The following EPB41L4A variants were observed in gnomAD, a reference collection of about 807,000 sequenced individuals.
EPB41L4A encodes band 4.1-like protein 4A.
In EPB41L4A, 100 loss-of-function variants were observed where a neutral mutation model predicts 108.6. The observed-to-expected ratio is 0.92, with a 90% CI of 0.78 to 1.09. EPB41L4A has a LOEUF of 1.09. Among genes scored for constraint, EPB41L4A ranks in the 50% least tolerant of loss-of-function variants. The pLI is 0.00. For synonymous variants in EPB41L4A, 319 were observed against 289.0 expected, an observed-to-expected ratio of 1.10 and a Z score of -1.05; for missense variants, 1,030 against 842.7, an observed-to-expected ratio of 1.22 and a Z score of -2.75.
chr5:112,169,248 G>A (rs1760436396), intron 20 of EPB41L4A, 143 bp from the exon 21 acceptor site: 1 of 642,436 alleles, frequency 1.6e-6, no homozygotes. Flanking sequence ...GAAAGCCTGA[G>A]TGACTTAAAT....
At chr5:112,302,368 T>C (rs910837645) in intron 2 of EPB41L4A, among the ~76,000 whole-genome samples, 5 of 152,128 alleles carry the variant, frequency 3.3e-5, no homozygotes, top group Non-Finnish European at 7.4e-5. Context: ...TGAAAATCAC[T>C]GATCTCAGAA....
intron 1 of EPB41L4A, among the ~76,000 whole-genome samples, chr5:112,308,472 T>C (rs1450765224): frequency 1.3e-5 from 2 of 152,220 alleles, no homozygotes; most frequent in East Asian, 3.8e-4. Context: ...TATGAGGTTA[T>C]AAAAGTACAC....
intron 1 of EPB41L4A, among the ~76,000 whole-genome samples, chr5:112,340,432 C>T (rs1015949749): frequency 1.3e-5 from 2 of 152,182 alleles, no homozygotes; most frequent in Admixed American, 1.3e-4. Context: ...ATTTTGGGAA[C>T]CACTGCTGTA....
intron 11 of EPB41L4A, among the ~76,000 whole-genome samples, chr5:112,239,281 T>A (rs867506612): frequency 6.6e-6 from 1 of 152,234 alleles, no homozygotes; most frequent in East Asian, 1.9e-4. Context: ...ATAAAAAGTA[T>A]AGATTGTATT....
chr5:112,390,436 G>GAGAT (rs1337041736), intron 1 of EPB41L4A, among the ~76,000 whole-genome samples: 8 of 152,170 alleles, frequency 5.3e-5, no homozygotes, highest in African/African-American at 1.9e-4. Context: ...ACGGAGCCTT[G>GAGAT]CTCACTGCCA....
intron 18 of EPB41L4A, among the ~76,000 whole-genome samples, chr5:112,178,895 T>G (rs1444936331): frequency 1.3e-5 from 2 of 150,414 alleles, no homozygotes; most frequent in East Asian, 3.9e-4. Context: ...GAATAAAAAG[T>G]ACAGTCAATG....
intron 12 of EPB41L4A, among the ~76,000 whole-genome samples, chr5:112,221,483 T>A (rs1219616666): frequency 6.6e-6 from 1 of 152,234 alleles, no homozygotes; most frequent in African/African-American, 2.4e-5. Flanking sequence ...GCCACAGTTT[T>A]CTCCTGTGTA....
At chr5:112,283,967 G>C (rs569858888) in intron 2 of EPB41L4A, among the ~76,000 whole-genome samples, 26 of 152,310 alleles carry the variant, frequency 1.7e-4, no homozygotes, top group Admixed American at 1.4e-3. Flanking sequence ...ATAAATGGGA[G>C]ATAACAGAGC....
intron 1 of EPB41L4A, among the ~76,000 whole-genome samples, chr5:112,371,317 T>TA (rs1759482162): frequency 6.6e-6 from 1 of 152,202 alleles, no homozygotes; most frequent in Non-Finnish European, 1.5e-5. Context: ...CTATTAGAAA[T>TA]AATTTTCATT....
chr5:112,410,906 G>C (rs1435892639), intron 1 of EPB41L4A, among the ~76,000 whole-genome samples: 1 of 152,182 alleles, frequency 6.6e-6, no homozygotes, highest in East Asian at 1.9e-4. Flanking sequence ...GCTACCACCT[G>C]AGGATGGCAC....
rs147458421 is a variant in EPB41L4A at position 112,270,453 on chromosome 5, TCATAA to T, written c.336-4128_336-4124del. Among the ~76,000 whole-genome samples, 894 of 152,260 alleles carry T rather than the reference TCATAA, an allele frequency of 5.9e-3. 3 individuals carry two copies. Among genetic ancestry groups the T allele is most frequent in the Middle Eastern group, 0.01 (3 of 294 alleles). Reference sequence around the variant, plus strand: ...TGAGAGTCAAAGGGAAACATTTAAATCATAACATGATATTAAATAATGCAGAAAAA... The same window carrying T: ...TGAGAGTCAAAGGGAAACATTTAAATCATGATATTAAATAATGCAGAAAAA... On this transcript the variant is annotated intron_variant, in intron 4 of 22. Transcript: ENST00000261486.
chr5:112,254,425 G>A (rs184427131), intron 9 of EPB41L4A, among the ~76,000 whole-genome samples: 18 of 152,214 alleles, frequency 1.2e-4, no homozygotes, highest in Non-Finnish European at 2.5e-4. Flanking sequence ...TCACGTCTGT[G>A]GCATGTTCCA....
chr5:112,311,489 G>C (rs1272889715), intron 1 of EPB41L4A, among the ~76,000 whole-genome samples: 6 of 152,132 alleles, frequency 3.9e-5, no homozygotes. Context: ...GTTTCCCAGA[G>C]CTTTTTATGA....
intron 18 of EPB41L4A, among the ~76,000 whole-genome samples, chr5:112,179,396 T>C (rs1218564637): frequency 2.6e-5 from 4 of 152,018 alleles, no homozygotes; most frequent in Admixed American, 6.5e-5. Context: ...AAATTACAGA[T>C]CAATTTTTCA....
At chr5:112,211,848 G>A (rs531103774) in intron 12 of EPB41L4A, among the ~76,000 whole-genome samples, 1 of 152,306 alleles carries the variant, frequency 6.6e-6, no homozygotes, top group African/African-American at 2.4e-5. Context: ...TTTGACATGG[G>A]ATTCCATATC....
At chr5:112,246,408 G>A (rs1405087966) in intron 9 of EPB41L4A, among the ~76,000 whole-genome samples, 1 of 152,110 alleles carries the variant, frequency 6.6e-6, no homozygotes, top group Non-Finnish European at 1.5e-5. Flanking sequence ...CAGCCTGAGA[G>A]CAATAGGCTA....
intron 3 of EPB41L4A, among the ~76,000 whole-genome samples, chr5:112,276,374 C>A (rs1435234964): frequency 1.3e-5 from 2 of 152,146 alleles, no homozygotes; most frequent in Non-Finnish European, 2.9e-5. Flanking sequence ...CCCTTGGGTG[C>A]TGAACACATT....
At chr5:112,408,333 C>T (rs758169779) in intron 1 of EPB41L4A, among the ~76,000 whole-genome samples, 2 of 151,746 alleles carry the variant, frequency 1.3e-5, no homozygotes, top group Non-Finnish European at 2.9e-5. Flanking sequence ...GCACAAGCAA[C>T]ATAGGAAAAA....
chr5:112,238,177 C>G (rs1007628777), intron 11 of EPB41L4A, among the ~76,000 whole-genome samples: 1 of 152,138 alleles, frequency 6.6e-6, no homozygotes, highest in Non-Finnish European at 1.5e-5. Flanking sequence ...GACATTCTCT[C>G]TATAATCCTG....
Sources: gnomAD v4.1 joint callset for allele counts (sites outside exome capture counted in the v4.1 genomes callset) on GRCh38, gnomAD v4.1.1 for gene constraint, MANE v1.5 for transcripts, NCBI Gene and HGNC (gene_info 2026-07-23, HGNC 2026-07-21) for gene names.